The following TPO variants were observed in gnomAD, a reference collection of about 807,000 sequenced individuals.
The protein encoded by TPO is thyroid microsomal antigen.
A neutral mutation model predicts 96.9 loss-of-function variants in TPO; 78 were observed. The observed-to-expected ratio is 0.81, with a 90% CI of 0.67 to 0.97. TPO has a LOEUF of 0.97. Ranked by LOEUF, TPO falls within the 50% of genes least tolerant of loss-of-function variation. The pLI, the probability that TPO is intolerant of heterozygous loss-of-function variation, is 0.00. For synonymous variants in TPO, 547 were observed against 538.0 expected, an observed-to-expected ratio of 1.02 and a Z score of -0.23; for missense variants, 1,252 against 1,274.8, an observed-to-expected ratio of 0.98 and a Z score of 0.27.
intron 15 of TPO, among the ~76,000 whole-genome samples, chr2:1,529,725 CA>C (rs1170402198): frequency 1.1e-4 from 7 of 62,770 alleles, no homozygotes; most frequent in Admixed American, 1.1e-3. Context: ...CAAATCCCCC[CA>C]CTGTGAGCAA....
intron 15 of TPO, among the ~76,000 whole-genome samples, chr2:1,533,351 TCCCAAATCCCCCCACTGTGTGCAACCTC>T (rs1678788496): frequency 3.5e-4 from 10 of 28,634 alleles, no homozygotes; most frequent in Non-Finnish European, 5.9e-4. Context: ...TGTGCAACCT[TCCCAAATCCCCCCACTGTGTGCAACCTC>T]CTCAAATCCC....
At chr2:1,441,967 T>C (rs1285734055) in intron 5 of TPO, among the ~76,000 whole-genome samples, 2 of 152,178 alleles carry the variant, frequency 1.3e-5, no homozygotes, top group South Asian at 2.1e-4. Context: ...AATTGAATCA[T>C]GGGGGCAGGT....
At position 1,534,521 on chromosome 2, in the gene TPO, C is replaced by T. The variant is rs1419884404; in HGVS notation, c.2619-6073C>T. On this transcript the variant is annotated intron_variant, in intron 15 of 16. Coordinates refer to ENST00000329066, the MANE Select transcript of TPO (RefSeq NM_001206744.2). ...ACGCAGTGTGCAACTTCCCCAAATC[C>T]CTCCCACTCTGTGCAACCTCCCCAA... Among the ~76,000 whole-genome samples, 20 of 89,392 alleles carry T rather than the reference C, an allele frequency of 2.2e-4. 1 individual carries two copies. The highest frequency in any genetic ancestry group is 1.3e-4 in the Admixed American group (1 of 7,534). 58.6% of individuals were successfully genotyped at this position (89,392 alleles called of 152,430 possible). A position where few individuals can be genotyped will look rare whatever the true frequency, so the allele number is the denominator to read the frequency against.
chr2:1,480,822 G>A (rs372971741), intron 8 of TPO, among the ~76,000 whole-genome samples: 7 of 65,406 alleles, frequency 1.1e-4, no homozygotes, highest in South Asian at 4.0e-4. Flanking sequence ...TCCACACCAC[G>A]TCCCTGCTGC....
At position 1,498,949 on chromosome 2, in the gene TPO, C is replaced by T. The variant is rs770837038; in HGVS notation, c.2386+2184C>T. Among the ~76,000 whole-genome samples the T allele has an allele frequency of 4.3e-4, 66 of 152,152 alleles. 1 individual carries two copies. The highest frequency in any genetic ancestry group is 7.1e-4 in the Non-Finnish European group (48 of 68,024). On this transcript the variant is annotated intron_variant, in intron 13 of 16. Transcript: ENST00000329066. ...GTTAAGGAATTGATGGCAGGTGCTT[C>T]AGGGTATAGCATGTTGCGTGTTCTA... is the stretch of plus-strand genomic sequence containing the variant.
intron 2 of TPO, among the ~76,000 whole-genome samples, 190 bp from the exon 3 acceptor site, chr2:1,422,855 G>A (rs1663909175): frequency 6.6e-6 from 1 of 152,200 alleles, no homozygotes; most frequent in South Asian, 2.1e-4. Flanking sequence ...GTGCAGTGGG[G>A]GTGGACGCCC....
chr2:1,400,312 G>A (rs1465094971), intron 1 of TPO, among the ~76,000 whole-genome samples: 1 of 152,110 alleles, frequency 6.6e-6, no homozygotes, highest in Non-Finnish European at 1.5e-5. Flanking sequence ...GGCCAACATG[G>A]TGAAACCCTG....
At chr2:1,374,742 T>TA (rs951296929) in intron 1 of TPO, among the ~76,000 whole-genome samples, 2 of 146,504 alleles carry the variant, frequency 1.4e-5, no homozygotes, top group Non-Finnish European at 3.0e-5. Flanking sequence ...TTTTTTTTTT[T>TA]ACTGAGATGA....
intron 15 of TPO, among the ~76,000 whole-genome samples, chr2:1,525,726 A>ACT (rs1156399289): frequency 3.9e-5 from 2 of 51,860 alleles, no homozygotes; most frequent in African/African-American, 1.5e-4. Flanking sequence ...AATCACCCCC[A>ACT]CTCTGCAAAC....
At chr2:1,376,203 C>T (rs961491345) in intron 1 of TPO, among the ~76,000 whole-genome samples, 1 of 152,178 alleles carries the variant, frequency 6.6e-6, no homozygotes, top group South Asian at 2.1e-4. Flanking sequence ...ACTGCCTGCC[C>T]CAGGAACCAG....
intron 2 of TPO, among the ~76,000 whole-genome samples, chr2:1,417,220 G>A (rs539802547): frequency 0.017 from 2,356 of 138,186 alleles, 56 homozygotes; most frequent in African/African-American, 0.061. Flanking sequence ...GGCCAGTGCC[G>A]TGACTCACAT....
At chr2:1,529,665 C>A (rs1167749236) in intron 15 of TPO, among the ~76,000 whole-genome samples, 1 of 47,350 alleles carries the variant, frequency 2.1e-5, no homozygotes, top group Non-Finnish European at 4.1e-5. Flanking sequence ...CCTCCTATCA[C>A]CCCCACTGTG....
chr2:1,453,951 C>T (rs1573250388), intron 6 of TPO, 128 bp downstream of exon 6: 1 of 1,411,658 alleles, frequency 7.1e-7, no homozygotes, highest in East Asian at 2.5e-5. Flanking sequence ...ATCCTCCCAG[C>T]CTCCCTTTGA....
At chr2:1,462,758 C>T (rs1160462179) in intron 7 of TPO, among the ~76,000 whole-genome samples, 1 of 152,214 alleles carries the variant, frequency 6.6e-6, no homozygotes, top group Non-Finnish European at 1.5e-5. Context: ...CCACAAGAAT[C>T]TTCCCTAGGG....
At chr2:1,524,217 C>G (rs1315058742) in intron 15 of TPO, among the ~76,000 whole-genome samples, 1 of 146,520 alleles carries the variant, frequency 6.8e-6, no homozygotes, top group Admixed American at 6.8e-5. Context: ...TCAAATCCAC[C>G]CCACTGTGTG....
chr2:1,433,739 A>G, intron 4 of TPO, 132 bp downstream of exon 4: 2 of 1,041,204 alleles, frequency 1.9e-6, no homozygotes, highest in Middle Eastern at 6.0e-4. Flanking sequence ...CAGCTCTTTC[A>G]AAGCATACAA....
chr2:1,463,596 T>C (rs1201650783), intron 7 of TPO, among the ~76,000 whole-genome samples: 3 of 152,182 alleles, frequency 2.0e-5, no homozygotes, highest in Non-Finnish European at 2.9e-5. Flanking sequence ...AATTAAAGTG[T>C]TTTGAGTCTC....
intron 1 of TPO, among the ~76,000 whole-genome samples, chr2:1,376,415 A>G (rs539121354): frequency 2.6e-5 from 4 of 152,342 alleles, no homozygotes; most frequent in South Asian, 4.1e-4. Context: ...TGTAGTATTC[A>G]TAGAGATTCA....
intron 3 of TPO, among the ~76,000 whole-genome samples, chr2:1,423,399 C>T (rs1357822678): frequency 5.9e-5 from 9 of 152,134 alleles, no homozygotes; most frequent in Admixed American, 5.9e-4. Flanking sequence ...GGCTGACGTC[C>T]TGATAGCAAA....
Sources: allele counts gnomAD v4.1 joint callset (sites outside exome capture counted in the v4.1 genomes callset), GRCh38; gene constraint gnomAD v4.1.1; transcripts MANE v1.5; gene names NCBI Gene and HGNC (gene_info 2026-07-23, HGNC 2026-07-21).